Variants in UGT1A6 observed in about 807,000 individuals in gnomAD.
The protein encoded by UGT1A6 is UDP glucuronosyltransferase family 1 member A6, also known as UDP-glucuronosyltransferase 1A6.
Under a neutral mutation model 44.4 loss-of-function variants are expected in UGT1A6, and 32 were observed. The observed-to-expected ratio is 0.72, with a 90% CI of 0.54 to 0.97. The LOEUF (loss-of-function observed/expected upper bound fraction) is 0.97. Among genes scored for constraint, UGT1A6 ranks in the 50% least tolerant of loss-of-function variants. The probability of loss-of-function intolerance (pLI) is 0.00; values close to 1 mark genes in which losing one functional copy is unlikely to be tolerated. For missense variants in UGT1A6, 685 were observed against 661.9 expected, an observed-to-expected ratio of 1.03 and a Z score of -0.38; for synonymous variants, 238 against 248.5, an observed-to-expected ratio of 0.96 and a Z score of 0.40.
intron 1 of UGT1A6, among the ~76,000 whole-genome samples, chr2:233,736,051 TG>T (rs2078724849): frequency 6.6e-6 from 1 of 152,250 alleles, no homozygotes; most frequent in South Asian, 2.1e-4. Context: ...ATTTGAATGT[TG>T]GCCTGCCTTG....
intron 1 of UGT1A6, among the ~76,000 whole-genome samples, chr2:233,736,167 C>T (rs1159152421): frequency 6.6e-6 from 1 of 152,232 alleles, no homozygotes; most frequent in Non-Finnish European, 1.5e-5. Context: ...TAGATTTGGT[C>T]TTTCCACATA....
At chr2:233,754,118 A>C (rs562649705) in intron 1 of UGT1A6, among the ~76,000 whole-genome samples, 4 of 152,236 alleles carry the variant, frequency 2.6e-5, no homozygotes, top group Non-Finnish European at 5.9e-5. Flanking sequence ...CATCACGAGC[A>C]TTTATGTGCA....
rs28900403 is a variant in UGT1A6 at position 233,768,158 on chromosome 2, A to G, written c.1082-62A>G. 1.0e-3 allele frequency: 1,655 copies of G among 1,613,190 alleles called. 19 individuals are homozygous for G. The African/African-American group carries it at 0.019, about 19-fold the overall frequency. On this transcript the variant is annotated intron_variant, in intron 3 of 4. Transcript: ENST00000305139. ...TCTTTGGAGTGTTTTCAGAACCTAG[A>G]TGTGTCCAGCTGTGAAACTCAGAGA...
intron 4 of UGT1A6, among the ~76,000 whole-genome samples, chr2:233,771,823 C>T (rs1700395813): frequency 7.3e-6 from 1 of 137,044 alleles, no homozygotes; most frequent in Non-Finnish European, 1.6e-5. Flanking sequence ...TTCCTTGCTT[C>T]CTTCCCTCCT....
chr2:233,740,862 C>G (rs1413429391), intron 1 of UGT1A6: 1 of 151,810 alleles, frequency 6.6e-6, no homozygotes, highest in African/African-American at 2.4e-5. Flanking sequence ...TCTAAAAATT[C>G]TTTAAATAAA....
intron 1 of UGT1A6, among the ~76,000 whole-genome samples, chr2:233,744,785 A>C (rs1433110343): frequency 6.6e-6 from 1 of 151,864 alleles, no homozygotes; most frequent in Non-Finnish European, 1.5e-5. Context: ...TCTCCTGAAA[A>C]ATTCTTGGGG....
intron 1 of UGT1A6, among the ~76,000 whole-genome samples, chr2:233,711,697 C>T (rs569258962): frequency 1.4e-3 from 217 of 152,312 alleles, no homozygotes; most frequent in Non-Finnish European, 2.6e-3. Context: ...GGGGTAACTT[C>T]CTCCCTAAGG....
At chr2:233,719,688 G>A in intron 1 of UGT1A6, 1 of 1,614,002 alleles carries the variant, frequency 6.2e-7, no homozygotes, top group Non-Finnish European at 8.5e-7. Context: ...ACTATCTCAG[G>A]TCTGTATTGG....
intron 1 of UGT1A6, among the ~76,000 whole-genome samples, chr2:233,710,091 T>C (rs1192264751): frequency 6.6e-6 from 1 of 152,250 alleles, no homozygotes; most frequent in Admixed American, 6.5e-5. Context: ...CATTGTTGCA[T>C]GTATCAATAT....
At chr2:233,741,532 A>C (rs1691693869) in intron 1 of UGT1A6, 1 of 151,938 alleles carries the variant, frequency 6.6e-6, no homozygotes, top group Non-Finnish European at 1.5e-5. Flanking sequence ...AGTCTGTCTT[A>C]TTCTGATACT....
intron 1 of UGT1A6, among the ~76,000 whole-genome samples, chr2:233,756,565 C>T (rs1696262040): frequency 6.6e-6 from 1 of 152,126 alleles, no homozygotes; most frequent in East Asian, 1.9e-4. Context: ...GAGATCCTCT[C>T]AGACAAAAGG....
At chr2:233,772,206 G>A (rs1305891412) in intron 4 of UGT1A6, 56 bp from the exon 5 acceptor site, 2 of 1,609,236 alleles carry the variant, frequency 1.2e-6, no homozygotes, top group Non-Finnish European at 1.7e-6. Context: ...AGCATAAAGA[G>A]AGGATTGTTC....
chr2:233,699,369 C>T (rs2075501600), intron 1 of UGT1A6, among the ~76,000 whole-genome samples: 1 of 152,102 alleles, frequency 6.6e-6, no homozygotes, highest in African/African-American at 2.4e-5. Context: ...ATTGGTATGG[C>T]TAGATTTCAA....
intron 1 of UGT1A6, chr2:233,719,556 G>A (rs1189539975): frequency 1.2e-6 from 2 of 1,613,900 alleles, no homozygotes; most frequent in South Asian, 2.2e-5. Flanking sequence ...GGTGTCAGTG[G>A]TGGATCTTGT....
At chr2:233,748,180 G>A in intron 1 of UGT1A6, 2 of 1,578,368 alleles carry the variant, frequency 1.3e-6, no homozygotes, top group South Asian at 2.4e-5. Flanking sequence ...TCTTTCTGGT[G>A]CTTTTATTTC....
At position 233,699,208 on chromosome 2, in the gene UGT1A6, A is replaced by G. The variant is rs75951571; in HGVS notation, c.861+5343A>G. On this transcript the variant is annotated intron_variant, in intron 1 of 4. Coordinates refer to ENST00000305139, the MANE Select transcript of UGT1A6 (RefSeq NM_001072.4). ...CTTCTTCAGAATCTCATGCTGTTGC[A>G]TGAAAAAAAAACAAAAACGAACTTT... Among the ~76,000 whole-genome samples the G allele has an allele frequency of 2.6e-5, 4 of 151,942 alleles. No homozygotes were observed. The East Asian group carries it at 5.8e-4, about 22-fold the overall frequency.
intron 4 of UGT1A6, chr2:233,770,023 G>A (rs1575848651): frequency 6.2e-6 from 1 of 160,986 alleles, no homozygotes; most frequent in Non-Finnish European, 1.4e-5. Flanking sequence ...TTCTTTCCCT[G>A]CACTGTTGAA....
intron 1 of UGT1A6, chr2:233,753,671 C>T (rs1245281633): frequency 2.0e-5 from 3 of 152,212 alleles, no homozygotes; most frequent in Admixed American, 6.5e-5. Flanking sequence ...GTGTATGGTG[C>T]CTCACCCAAA....
chr2:233,732,507 C>A (rs2125772065), intron 1 of UGT1A6, among the ~76,000 whole-genome samples: 1 of 152,338 alleles, frequency 6.6e-6, no homozygotes, highest in Admixed American at 6.5e-5. Context: ...GGAAGGGATC[C>A]TGTTCCAGCT....
Sources: allele counts gnomAD v4.1 joint callset (sites outside exome capture counted in the v4.1 genomes callset), GRCh38; gene constraint gnomAD v4.1.1; transcripts MANE v1.5; gene names NCBI Gene and HGNC (gene_info 2026-07-23, HGNC 2026-07-21).